The following WDR87 variants were observed in gnomAD, a reference collection of about 807,000 sequenced individuals.
WDR87 encodes the protein WD repeat-containing protein 87.
A neutral mutation model predicts 83.3 loss-of-function variants in WDR87; 56 were observed. The ratio of observed to expected loss-of-function variants is 0.67; its 90% CI spans 0.54 to 0.84. WDR87 has a LOEUF of 0.84. Ranked by LOEUF, WDR87 falls within the 40% of genes least tolerant of loss-of-function variation. WDR87 has a pLI of 0.00. For missense variants in WDR87, 2,939 were observed against 3,431.9 expected, an observed-to-expected ratio of 0.86 and a Z score of 3.59; for synonymous variants, 1,173 against 1,250.6, an observed-to-expected ratio of 0.94 and a Z score of 1.31.
Position 37,896,288 on chromosome 19 carries a change from C to G in WDR87, c.96G>C (p.Lys32Asn). ...GGTCACTCAGCACAATCAGGCAGTT[C>G]TTTGGGTCTTCCGAAGGTTGCTGGA... ...NKSKQPSEDP[K>N]NCLIVLSDRS... Residue 32 changes from lysine to asparagine, a missense_variant, in exon 3 of 6, where the codon AAG (lysine) becomes AAC (asparagine). Transcript: ENST00000447313. The G allele has an allele frequency of 1.3e-6, 2 of 1,551,794 alleles. No homozygotes were observed.
chr19:37,894,682 G>A lies in WDR87; in HGVS notation c.1021C>T (p.Gln341Ter), dbSNP rs1389239473. ...QFIDSITFFC[Q>*]TAHSFSLHRL... ...TGCAAGGAAAAACTATGGGCAGTTT[G>A]GCAGAAGAAAGTAATGCTGTCAATA... is the stretch of plus-strand genomic sequence containing the variant. The change falls in exon 4 of 6, where the codon CAA becomes TAA. Residue 341 changes from glutamine (Q) to a stop codon, truncating the protein, a stop_gained. Transcript: ENST00000447313. LOFTEE classifies it high-confidence loss of function. The A allele has an allele frequency of 6.4e-7, 1 of 1,551,634 alleles. No homozygotes were observed. Among genetic ancestry groups the A allele is most frequent in the Admixed American group, 2.0e-5 (1 of 50,984 alleles).
Position 37,893,278 on chromosome 19 carries a change from A to T in WDR87, c.2425T>A (p.Tyr809Asn). Residue 809 changes from tyrosine (Y) to asparagine (N), a missense_variant, in exon 4 of 6, where the codon TAC becomes AAC. Physicochemically the swap from Tyr to Asn is moderately radical, Grantham distance 143. Transcript: ENST00000447313. ...AGCCATTCCCGCCCATGACCAAAGTAGTATCGCAATATCTGATAGGGGTTG... is the reference window on the plus strand; with the variant it reads ...AGCCATTCCCGCCCATGACCAAAGTTGTATCGCAATATCTGATAGGGGTTG... ...GLNPYQILRY[Y>N]FGHGREWLFA... is the part of the protein sequence containing the mutation. The T allele has an allele frequency of 6.4e-7, 1 of 1,551,828 alleles. No individual in the cohort carries two copies. Among genetic ancestry groups the T allele is most frequent in the Non-Finnish European group, 8.7e-7 (1 of 1,147,016 alleles).
At position 37,886,777 on chromosome 19, in the gene WDR87, C is replaced by T. The variant is rs751222150; in HGVS notation, c.6894G>A (p.Glu2298=). The T allele has an allele frequency of 7.7e-6, 11 of 1,434,780 alleles. No individual in the cohort carries two copies. The South Asian group carries it at 8.0e-5, about 10-fold the overall frequency. 88.9% of individuals were successfully genotyped at this position (1,434,780 alleles called of 1,614,324 possible). ...CCTCCTCCTCCTCCCTTTCCTCCTC[C>T]TCCTCCCTTTCCTCTTCTTCCTCCC... ...EEREEEEERE[E]EEEREEEEER... The change falls in exon 6 of 6, where the codon GAG becomes GAA. Residue 2298 remains glutamate (E), a synonymous_variant. Transcript: ENST00000447313.
Position 37,895,009 on chromosome 19 carries a change from C to T in WDR87, c.694G>A (p.Val232Ile). Reference protein sequence around the residue: ...MHQGKGQLGEVKRFTSTSSGS... With the variant: ...MHQGKGQLGEIKRFTSTSSGS... ...CTGCTGGTGGACGTGAACCTCTTTA[C>T]CTCTCCCAGCTGGCCCTTGCCCTGG... The change falls in exon 4 of 6, where the codon GTA becomes ATA. Residue 232 changes from valine (V) to isoleucine (I), a missense_variant. Transcript: ENST00000447313. The T allele has an allele frequency of 2.6e-6, 4 of 1,551,694 alleles. No individual in the cohort carries two copies. The highest frequency in any genetic ancestry group is 1.2e-5 in the South Asian group (1 of 84,056).
In WDR87 at chr19:37,886,652, T is replaced by C. The variant is rs749818250; in HGVS notation, c.7019A>G (p.Glu2340Gly). ...KKEKKKEEVQ[E>G]KEEVFEEKEE... ...TTTCTCCTCAAACACTTCTTCCTTC[T>C]CCTGAACCTCCTCCTTCTTCTTTTC... The change falls in exon 6 of 6, where the codon GAG becomes GGG. Residue 2340 changes from glutamate (E) to glycine (G), a missense_variant. This residue lies in a region of WDR87 where 2,160 missense variants were observed against 2,533.1 expected (regional missense o/e 0.85). Coordinates refer to ENST00000447313, the MANE Select transcript of WDR87 (RefSeq NM_001291088.2). 11 of 1,506,736 alleles carry C rather than the reference T, an allele frequency of 7.3e-6. No individual in the cohort carries two copies. In the South Asian group the frequency reaches 1.2e-4, roughly 17 times the overall value. 93.3% of individuals were successfully genotyped at this position (1,506,736 alleles called of 1,614,324 possible). A position where few individuals can be genotyped will look rare whatever the true frequency, so the allele number is the denominator to read the frequency against.
Position 37,892,904 on chromosome 19 carries a change from G to C in WDR87, c.2799C>G (p.Ser933=). The C allele has an allele frequency of 6.4e-7, 1 of 1,552,108 alleles. No individual in the cohort carries two copies. Among genetic ancestry groups the C allele is most frequent in the Non-Finnish European group, 8.7e-7 (1 of 1,147,080 alleles). ...CAACACAGCACTGGTACTTCAGCAA[G>C]GAAGCATGGACCATAATATTGAGCA... ...ETMLNIMVHA[S]LLKYQCCVGA... is the part of the protein sequence containing the mutation. The change falls in exon 4 of 6, where the codon TCC becomes TCG. Residue 933 remains serine (S), a synonymous_variant. Transcript: ENST00000447313.
Position 37,885,184 on chromosome 19 carries a change from C to A in WDR87, c.8487G>T (p.Glu2829Asp), listed in dbSNP as rs1233843214. The A allele has an allele frequency of 6.8e-7, 1 of 1,470,146 alleles. No homozygotes were observed. The highest frequency in any genetic ancestry group is 1.4e-5 in the African/African-American group (1 of 70,168). 91.1% of individuals were successfully genotyped at this position (1,470,146 alleles called of 1,614,324 possible). A position where few individuals can be genotyped will look rare whatever the true frequency, so the allele number is the denominator to read the frequency against. The part of the protein sequence containing the change: ...EPQPQEIIYE[E>D]ALKATELVPG... ...GAACTAGCTCTGTGGCTTTTAGGGC[C>A]TCTTCGTAGATGATCTCTTGGGGTT... Residue 2829 changes from glutamate to aspartate, a missense_variant, in exon 6 of 6, where the codon GAG (glutamate) becomes GAT (aspartate). Glu to Asp is a conservative substitution (Grantham distance 45). This residue lies in a region of WDR87 where 2,160 missense variants were observed against 2,533.1 expected (regional missense o/e 0.85). Transcript: ENST00000447313.
chr19:37,890,043 T>A lies in WDR87; in HGVS notation c.3628A>T (p.Arg1210Trp). ...SKDHIALTLK[R>W]LQKIRDKRDK... ...CTTTTGTCACGTATTTTCTGCAGCC[T>A]CTTCAGGGTCAATGCAATGTGATCC... Residue 1210 changes from arginine (R) to tryptophan (W), a missense_variant, in exon 6 of 6, where the codon AGG becomes TGG. This residue lies in a region of WDR87 where 2,160 missense variants were observed against 2,533.1 expected (regional missense o/e 0.85). Coordinates refer to ENST00000447313, the MANE Select transcript of WDR87 (RefSeq NM_001291088.2). The A allele has an allele frequency of 6.4e-7, 1 of 1,551,758 alleles. No homozygotes were observed. The highest frequency in any genetic ancestry group is 8.7e-7 in the Non-Finnish European group (1 of 1,147,002).
At position 37,886,882 on chromosome 19, in the gene WDR87, C is replaced by T. The variant is rs1205859813; in HGVS notation, c.6789G>A (p.Glu2263=). ...SSQVDEVESE[E]HFSEEMESLL... ...GGCTTTCCATTTCTTCAGAAAAATG[C>T]TCTTCACTTTCCACTTCATCCACTT... The change falls in exon 6 of 6, where the codon GAG becomes GAA. Residue 2263 remains glutamate, a synonymous_variant. Transcript: ENST00000447313. 9 of 1,551,490 alleles carry T rather than the reference C, an allele frequency of 5.8e-6. No homozygotes were observed. The highest frequency in any genetic ancestry group is 7.0e-6 in the Non-Finnish European group (8 of 1,146,966).
chr19:37,898,329 C>T (rs1025780193), intron 1 of WDR87, 44 bp from the exon 2 acceptor site: 7 of 1,499,022 alleles, frequency 4.7e-6, no homozygotes, highest in East Asian at 2.5e-5. Flanking sequence ...TGCCATTTTC[C>T]GAGAAGCTAG....
In WDR87 at chr19:37,888,598, G is replaced by C. The variant is rs1444353822; in HGVS notation, c.5073C>G (p.Ser1691Arg). The stretch of plus-strand genomic sequence containing the variant: ...TCTGGGCCAATTTCTCCGCCTCCTG[G>C]CTTAGCTTCTCCCCTCTTTGGGCCA... ...ETLAQRGEKL[S>R]QEAEKLAQKR... The change falls in exon 6 of 6, where the codon AGC becomes AGG. Residue 1691 changes from serine (S) to arginine (R), a missense_variant. Around this residue, in one of 3 missense-constraint regions of WDR87, gnomAD observed 2,160 missense variants for 2,533.1 expected, o/e 0.85. Transcript: ENST00000447313. 1 of 1,551,602 alleles carries C rather than the reference G, an allele frequency of 6.4e-7. No homozygotes were observed. Among genetic ancestry groups the C allele is most frequent in the Non-Finnish European group, 8.7e-7 (1 of 1,147,036 alleles).
At chr19:37,900,962 CAAAA>C (rs878938966) in intron 1 of WDR87, among the ~76,000 whole-genome samples, 2 of 29,512 alleles carry the variant, frequency 6.8e-5, no homozygotes, top group South Asian at 1.4e-3. Context: ...CCTGTCTCTA[CAAAA>C]AAAAAAAAAA....
Position 37,898,197 on chromosome 19 carries a change from G to A in WDR87, c.43C>T (p.Leu15Phe). Residue 15 changes from leucine (L) to phenylalanine (F), a missense_variant, in exon 2 of 6, where the codon CTC (leucine) becomes TTC (phenylalanine). By Grantham distance (22) the Leu-to-Phe change is conservative (BLOSUM62 0). Coordinates refer to ENST00000447313, the MANE Select transcript of WDR87 (RefSeq NM_001291088.2). ...RLIPLWKDLK[L>F]LLNDTINKSK... ...TTATTTATGGTGTCATTTAGGAGGA[G>A]TTTTAAATCTTTCCACAGGGGAATG... The A allele has an allele frequency of 6.4e-7, 1 of 1,551,686 alleles. No homozygotes were observed. The highest frequency in any genetic ancestry group is 8.7e-7 in the Non-Finnish European group (1 of 1,146,984).
In WDR87 at chr19:37,895,446, C is replaced by T. The variant is rs559562311; in HGVS notation, c.257G>A (p.Trp86Ter). The T allele has an allele frequency of 2.6e-5, 40 of 1,551,310 alleles. No homozygotes were observed. The highest frequency in any genetic ancestry group is 2.5e-4 in the South Asian group (21 of 84,036). Reference sequence around the variant, plus strand: ...CATGTCCTCAGTTTTGCTCTTCATCCATGCTACAGCCTAGAAGAGAATAAG... The same window carrying T: ...CATGTCCTCAGTTTTGCTCTTCATCTATGCTACAGCCTAGAAGAGAATAAG... ...SNTKEIQAVA[W>*]MKSKTEDMVE... The change falls in exon 4 of 6, where the codon TGG (tryptophan) becomes TAG (stop). Residue 86 changes from tryptophan (W) to a stop codon, truncating the protein, a stop_gained. Coordinates refer to ENST00000447313, the MANE Select transcript of WDR87 (RefSeq NM_001291088.2). LOFTEE classifies it high-confidence loss of function.
chr19:37,888,838 G>A lies in WDR87; in HGVS notation c.4833C>T (p.His1611=), dbSNP rs562211033. 3.9e-6 allele frequency: 6 copies of A among 1,551,036 alleles called. No homozygotes were observed. Among genetic ancestry groups the A allele is most frequent in the South Asian group, 1.2e-5 (1 of 83,988 alleles). The change falls in exon 6 of 6, where the codon CAC becomes CAT. Residue 1611 remains histidine (H), a synonymous_variant. Coordinates refer to ENST00000447313, the MANE Select transcript of WDR87 (RefSeq NM_001291088.2). ...TEEQRHIQEE[H]KWARIHRKRA... ...GTTTCCTGTGTATTCTGGCCCATTT[G>A]TGTTCTTCTTGGATGTGTCTCTGCT...
At chr19:37,899,093 T>G (rs77439202) in intron 1 of WDR87, among the ~76,000 whole-genome samples, 4 of 37,356 alleles carry the variant, frequency 1.1e-4, no homozygotes, top group Non-Finnish European at 1.6e-4. Context: ...GTTGTGTTGT[T>G]TTGTTTTGTT....
Position 37,885,992 on chromosome 19 carries a change from C to G in WDR87, c.7679G>C (p.Ser2560Thr), listed in dbSNP as rs1325005634. ...GCGGATCCACTCTACATCTGAGAGG[C>G]TTACGTCTGCATGTTGTTCCTTAGC... ...IPAKEQHADVSLSDVEWIRHV... is the reference protein window; with the variant it reads ...IPAKEQHADVTLSDVEWIRHV... Residue 2560 changes from serine (S) to threonine (T), a missense_variant, in exon 6 of 6, where the codon AGC (serine) becomes ACC (threonine). By Grantham distance (58) the Ser-to-Thr change is moderately conservative (BLOSUM62 1). Around this residue, in one of 3 missense-constraint regions of WDR87, gnomAD observed 2,160 missense variants for 2,533.1 expected, o/e 0.85. Transcript: ENST00000447313. 2 of 1,551,854 alleles carry G rather than the reference C, an allele frequency of 1.3e-6. No homozygotes were observed. Among genetic ancestry groups the G allele is most frequent in the East Asian group, 2.4e-5 (1 of 40,936 alleles).
Position 37,894,243 on chromosome 19 carries a change from CTT to C in WDR87, c.1458_1459del (p.Ile486MetfsTer46), listed in dbSNP as rs1246864707. On this transcript the variant is annotated frameshift_variant, in exon 4 of 6. Transcript: ENST00000447313. LOFTEE classifies it high-confidence loss of function. The stretch of plus-strand genomic sequence containing the variant: ...AGCACAGCTGTGCTGGGAGAGCACT[CTT>C]ATCACACCACTCTGGTGCCCAGAGA... 2.6e-6 allele frequency: 4 copies of C among 1,551,756 alleles called. No individual in the cohort carries two copies. Among genetic ancestry groups the C allele is most frequent in the South Asian group, 1.2e-5 (1 of 84,060 alleles).
Position 37,887,692 on chromosome 19 carries a change from C to T in WDR87, c.5979G>A (p.Leu1993=). Reference sequence around the variant, plus strand: ...ATGCCTTTTCTTCCTTAGCAATATCCAACTCTCCTCTGAGCCGTTTCTTTC... The same window carrying T: ...ATGCCTTTTCTTCCTTAGCAATATCTAACTCTCCTCTGAGCCGTTTCTTTC... The part of the protein sequence containing the change: ...VQGKKRLRGE[L]DIAKEEKALN... The change falls in exon 6 of 6, where the codon TTG becomes TTA. Residue 1993 remains leucine (L), a synonymous_variant. Transcript: ENST00000447313. 25 of 1,552,244 alleles carry T rather than the reference C, an allele frequency of 1.6e-5. No homozygotes were observed. Among genetic ancestry groups the T allele is most frequent in the Non-Finnish European group, 2.2e-5 (25 of 1,147,126 alleles).
Sources: gnomAD v4.1 joint callset for allele counts (sites outside exome capture counted in the v4.1 genomes callset) on GRCh38, gnomAD v4.1.1 for gene constraint, gnomAD v4.1.1 regional missense constraint, MANE v1.5 for transcripts, NCBI Gene and HGNC (gene_info 2026-07-23, HGNC 2026-07-21) for gene names.